The following SIAH1 variants were observed in gnomAD, a reference collection of about 807,000 sequenced individuals.
SIAH1 encodes siah E3 ubiquitin protein ligase 1.
A neutral mutation model predicts 20.0 loss-of-function variants in SIAH1; 2 were observed. The observed-to-expected ratio is 0.10, with a 90% CI of 0.04 to 0.31. The LOEUF (loss-of-function observed/expected upper bound fraction) is 0.31, where lower values mean the gene tolerates loss of function less well. SIAH1 is among the 10% of genes least tolerant of loss of function. SIAH1 has a pLI of 1.00. For synonymous variants in SIAH1, 118 were observed against 125.3 expected (o/e 0.94, Z 0.39); for missense variants, 119 against 355.3 (o/e 0.33, Z 5.35).
At chr16:48,372,024 G>C (rs376369022) in intron 1 of SIAH1, among the ~76,000 whole-genome samples, 19 of 151,362 alleles carry the variant, frequency 1.3e-4, no homozygotes, top group Middle Eastern at 3.4e-3. Context: ...CACACACACA[G>C]AGAAAAAAAT....
At chr16:48,381,804 T>C (rs1002469161) in intron 1 of SIAH1, among the ~76,000 whole-genome samples, 4 of 152,178 alleles carry the variant, frequency 2.6e-5, no homozygotes, top group African/African-American at 9.7e-5. Flanking sequence ...AAAGCATTCA[T>C]GTATGTCATT....
In SIAH1 at chr16:48,382,608, T is replaced by C. The variant is rs376560636; in HGVS notation, c.-3+2596A>G. Reference sequence around the variant, plus strand: ...TGAAGAATACTATTAAGGATACTTATTGTAAAAAGGAAAATTTCCTTTTTT... The same window carrying C: ...TGAAGAATACTATTAAGGATACTTACTGTAAAAAGGAAAATTTCCTTTTTT... On this transcript the variant is annotated intron_variant, in intron 1 of 1. Coordinates refer to ENST00000394725, the MANE Select transcript of SIAH1 (RefSeq NM_003031.4). 5.3e-5 allele frequency among the ~76,000 whole-genome samples: 8 copies of C among 152,180 alleles called. No individual in the cohort carries two copies. The South Asian group carries it at 8.3e-4, about 16-fold the overall frequency.
At chr16:48,386,552 T>A (rs1282419610), upstream of SIAH1, among the ~76,000 whole-genome samples, 1 of 152,154 alleles carries the variant, frequency 6.6e-6, no homozygotes, top group Non-Finnish European at 1.5e-5. Flanking sequence ...CGGGCACGTA[T>A]GTACAAATTC....
intron 1 of SIAH1, among the ~76,000 whole-genome samples, chr16:48,383,755 G>A (rs536125476): frequency 1.3e-5 from 2 of 152,028 alleles, no homozygotes; most frequent in Non-Finnish European, 2.9e-5. Flanking sequence ...AAATCTCCTT[G>A]TCCTTTTTAA....
chr16:48,373,328 G>A (rs945864734), intron 1 of SIAH1, among the ~76,000 whole-genome samples: 9 of 152,082 alleles, frequency 5.9e-5, no homozygotes, highest in Non-Finnish European at 1.0e-4. Flanking sequence ...CCCCTTCAGG[G>A]GGATGGCCAA....
At chr16:48,384,700 G>T (rs1315344134) in intron 1 of SIAH1, among the ~76,000 whole-genome samples, 1 of 151,252 alleles carries the variant, frequency 6.6e-6, no homozygotes, top group African/African-American at 2.4e-5. Context: ...GGCGCGGTGC[G>T]GCCCGGGCCT....
At position 48,360,977 on chromosome 16, in the gene SIAH1, A is replaced by G. The variant is rs1473095499; in HGVS notation, c.*603T>C. On this transcript the variant is annotated 3_prime_UTR_variant, in exon 2 of 2. Coordinates refer to ENST00000394725, the MANE Select transcript of SIAH1 (RefSeq NM_003031.4). ...AAAGAAAATATTGAACACGTTATAA[A>G]TTTTTTACCATAAACAAATATGCAT... The G allele has an allele frequency of 6.6e-6, 1 of 152,250 alleles. No homozygotes were observed. The highest frequency in any genetic ancestry group is 1.5e-5 in the Non-Finnish European group (1 of 68,046). The allele number at this position is 152,250 out of a possible 1,614,324, so 9.4% of individuals were successfully genotyped here.
intron 1 of SIAH1, among the ~76,000 whole-genome samples, chr16:48,380,988 G>A (rs948469144): frequency 2.7e-5 from 4 of 148,348 alleles, no homozygotes; most frequent in East Asian, 2.0e-4. Flanking sequence ...AAATCCGGCC[G>A]AGGATACAGA....
intron 1 of SIAH1, among the ~76,000 whole-genome samples, chr16:48,370,894 G>A (rs1444375596): frequency 1.3e-5 from 2 of 151,804 alleles, no homozygotes; most frequent in South Asian, 2.1e-4. Context: ...TGGCGGGATC[G>A]CTTGAGGTCA....
At chr16:48,381,626 A>G (rs1441215726) in intron 1 of SIAH1, among the ~76,000 whole-genome samples, 1 of 152,228 alleles carries the variant, frequency 6.6e-6, no homozygotes, top group Non-Finnish European at 1.5e-5. Context: ...CTAAATGCAT[A>G]TTACTAAGTG....
intron 1 of SIAH1, among the ~76,000 whole-genome samples, chr16:48,375,062 A>G (rs1228392053): frequency 1.3e-5 from 2 of 152,198 alleles, no homozygotes; most frequent in Non-Finnish European, 2.9e-5. Flanking sequence ...CGGCAAGATA[A>G]TTACTTGAAC....
Position 48,380,928 on chromosome 16 carries a change from C to CAAAAAAAAAAAAAAAAAAAAAAAAAA in SIAH1, c.-3+4275_-3+4276insTTTTTTTTTTTTTTTTTTTTTTTTTT, listed in dbSNP as rs59376248. ...TGGGCGACAGAGTGAGACTCCGTCTCAAAAAAAAAAAAAAAAAGAACGGCT... is the reference window on the plus strand; with the variant it reads ...TGGGCGACAGAGTGAGACTCCGTCTCAAAAAAAAAAAAAAAAAAAAAAAAAAAAAAAAAAAAAAAAAAAGAACGGCT... On this transcript the variant is annotated intron_variant, in intron 1 of 1. Transcript: ENST00000394725. Among the ~76,000 whole-genome samples, 10 of 44,948 alleles carry CAAAAAAAAAAAAAAAAAAAAAAAAAA rather than the reference C, an allele frequency of 2.2e-4. 1 individual carries two copies. The highest frequency in any genetic ancestry group is 0.021 in the Middle Eastern group (1 of 48). 29.5% of individuals were successfully genotyped at this position (44,948 alleles called of 152,430 possible). A position where few individuals can be genotyped will look rare whatever the true frequency, so the allele number is the denominator to read the frequency against.
chr16:48,377,388 GACTTT>G (rs1235927167), intron 1 of SIAH1, among the ~76,000 whole-genome samples: 5 of 144,888 alleles, frequency 3.5e-5, no homozygotes, highest in African/African-American at 1.3e-4. Flanking sequence ...AGTTCTGGAA[GACTTT>G]TTTTTTTTTT....
At chr16:48,368,155 T>C (rs1283247962) in intron 1 of SIAH1, among the ~76,000 whole-genome samples, 3 of 152,134 alleles carry the variant, frequency 2.0e-5, no homozygotes, top group African/African-American at 7.2e-5. Flanking sequence ...AAAAAAATCA[T>C]AATATATTGT....
intron 1 of SIAH1, among the ~76,000 whole-genome samples, chr16:48,380,941 A>AAAAAAAAAAAAAAAAAAAAAAAC: frequency 1.3e-5 from 2 of 150,104 alleles, no homozygotes; most frequent in African/African-American, 2.4e-5. Flanking sequence ...AAAAAAAAAA[A>AAAAAAAAAAAAAAAAAAAAAAAC]AAAAGAACGG....
chr16:48,385,723 G>C (rs1039625805), upstream of SIAH1, among the ~76,000 whole-genome samples: 1 of 152,050 alleles, frequency 6.6e-6, no homozygotes, highest in Non-Finnish European at 1.5e-5. Context: ...TCCTCCCGCG[G>C]CGCTTTGTTC....
At chr16:48,375,671 G>A (rs1238642597) in intron 1 of SIAH1, among the ~76,000 whole-genome samples, 9 of 151,812 alleles carry the variant, frequency 5.9e-5, no homozygotes, top group Admixed American at 5.9e-4. Flanking sequence ...ACAAATTGGG[G>A]GGAGAAAAAA....
At position 48,385,202 on chromosome 16, in the gene SIAH1, AC is replaced by A. The variant is rs1393194113; in HGVS notation, c.-3+1del. The A allele has an allele frequency of 1.2e-5, 4 of 320,392 alleles. No homozygotes were observed. The highest frequency in any genetic ancestry group is 4.5e-5 in the African/African-American group (2 of 44,190). 19.8% of individuals were successfully genotyped at this position (320,392 alleles called of 1,614,324 possible). On this transcript the variant is annotated splice_donor_variant, in intron 1 of 1. Coordinates refer to ENST00000394725, the MANE Select transcript of SIAH1 (RefSeq NM_003031.4). LOFTEE classifies it low-confidence loss of function (5UTR_SPLICE). ...TCCTCCCTCAGGCCGGGCCCCACTT[AC>A]CTGTGGGCGGAGAGCGCGCCTCGGA...
intron 1 of SIAH1, among the ~76,000 whole-genome samples, chr16:48,369,113 A>C (rs1232268362): frequency 1.3e-5 from 2 of 152,248 alleles, no homozygotes; most frequent in African/African-American, 4.8e-5. Flanking sequence ...TAAAATGCCA[A>C]AAGTTAAAAA....
Sources: allele counts gnomAD v4.1 joint callset (sites outside exome capture counted in the v4.1 genomes callset), GRCh38; gene constraint gnomAD v4.1.1; transcripts MANE v1.5; gene names NCBI Gene and HGNC (gene_info 2026-07-23, HGNC 2026-07-21).